RAB40C: variants seen among roughly 807,000 people sequenced by gnomAD.
RAB40C encodes the protein ras-related protein Rab-40C.
In RAB40C, 8 loss-of-function variants were observed where a neutral mutation model predicts 28.1. That is an observed-to-expected ratio of 0.28 (90% CI 0.17 to 0.51). The LOEUF (loss-of-function observed/expected upper bound fraction) is 0.51. Ranked by LOEUF, RAB40C falls within the 20% of genes least tolerant of loss-of-function variation. The pLI is 0.97. For missense variants in RAB40C, 288 were observed against 405.9 expected (o/e 0.71, Z 2.50); for synonymous variants, 201 against 171.7 (o/e 1.17, Z -1.34).
intron 3 of RAB40C, chr16:624,309 G>T (rs1324189458): frequency 2.0e-6 from 2 of 985,304 alleles, no homozygotes; most frequent in African/African-American, 3.5e-5. Flanking sequence ...CCCAGTCCCT[G>T]TGCCCCAACC....
intron 1 of RAB40C, among the ~76,000 whole-genome samples, chr16:598,332 C>G (rs1392458389): frequency 6.6e-6 from 1 of 150,618 alleles, no homozygotes; most frequent in Non-Finnish European, 1.5e-5. Flanking sequence ...GAGCCGAGAT[C>G]ACGCCACTGA....
At chr16:621,058 G>T (rs1050851510) in intron 3 of RAB40C, among the ~76,000 whole-genome samples, 3 of 152,254 alleles carry the variant, frequency 2.0e-5, no homozygotes, top group Non-Finnish European at 4.4e-5. Flanking sequence ...TCTTTGTTTT[G>T]TCTTGTTAAC....
chr16:605,502 G>A (rs1490900535), intron 1 of RAB40C, among the ~76,000 whole-genome samples: 4 of 152,244 alleles, frequency 2.6e-5, no homozygotes, highest in Admixed American at 2.6e-4. Flanking sequence ...GGCCTGGCAT[G>A]TCACTGTGGA....
intron 1 of RAB40C, among the ~76,000 whole-genome samples, chr16:605,022 C>T (rs1302699988): frequency 6.6e-6 from 1 of 152,056 alleles, no homozygotes; most frequent in African/African-American, 2.4e-5. Context: ...CATGCCACTG[C>T]ACTCCAGCCT....
chr16:616,886 C>T (rs913099223), intron 1 of RAB40C: 4 of 382,026 alleles, frequency 1.0e-5, no homozygotes, highest in East Asian at 4.8e-5. Context: ...GGGCCACAGG[C>T]GGAGGCCCCA....
intron 3 of RAB40C, among the ~76,000 whole-genome samples, chr16:620,830 C>A (rs2036700351): frequency 7.5e-6 from 1 of 133,318 alleles, no homozygotes; most frequent in African/African-American, 2.8e-5. Context: ...ATCCCAGCCA[C>A]CCCCCCCGAC....
At chr16:590,018 G>A (rs1265962260), upstream of RAB40C, 2 of 149,666 alleles carry the variant, frequency 1.3e-5, no homozygotes, top group Non-Finnish European at 3.0e-5. Flanking sequence ...ATGGGCTCGG[G>A]AGGGCGGGCG....
At chr16:611,656 CAA>C (rs1367652130) in intron 1 of RAB40C, among the ~76,000 whole-genome samples, 1 of 141,462 alleles carries the variant, frequency 7.1e-6, no homozygotes, top group Non-Finnish European at 1.5e-5. Flanking sequence ...CCTGTAGAAT[CAA>C]GAGCAGAGAC....
At chr16:609,600 A>T (rs1198300717) in intron 1 of RAB40C, among the ~76,000 whole-genome samples, 3 of 152,290 alleles carry the variant, frequency 2.0e-5, no homozygotes, top group East Asian at 3.9e-4. Context: ...TCAGGGAAGG[A>T]CATCTTACCA....
chr16:627,558 A>G lies in RAB40C; in HGVS notation c.782A>G (p.Lys261Arg). ...AAGGGCAACAGCCTCAAGAGGTCCA[A>G]GTCCATCCGTCCACCCCAGAGCCCC... ...GSKGNSLKRS[K>R]SIRPPQSPPQ... Residue 261 changes from lysine to arginine, a missense_variant, in exon 6 of 6, where the codon AAG becomes AGG. By Grantham distance (26) the Lys-to-Arg change is conservative (BLOSUM62 2). Coordinates refer to ENST00000248139, the MANE Select transcript of RAB40C (RefSeq NM_021168.5). 1.2e-6 allele frequency: 2 copies of G among 1,613,050 alleles called. No individual in the cohort carries two copies. The highest frequency in any genetic ancestry group is 1.1e-5 in the South Asian group (1 of 91,034).
Position 598,203 on chromosome 16 carries a change from C to T in RAB40C, c.142+7770C>T, listed in dbSNP as rs145028658. On this transcript the variant is annotated intron_variant, in intron 1 of 5. Coordinates refer to ENST00000248139, the MANE Select transcript of RAB40C (RefSeq NM_021168.5). ...GACCATCCTGGCTAACATGGTGAAACCCTGTCTCTATAAAAATACAAAAAA... is the reference window on the plus strand; with the variant it reads ...GACCATCCTGGCTAACATGGTGAAATCCTGTCTCTATAAAAATACAAAAAA... Among the ~76,000 whole-genome samples the T allele has an allele frequency of 1.0e-2, 1,520 of 152,026 alleles. 62 individuals are homozygous for T. In the East Asian group the frequency reaches 0.15, roughly 15 times the overall value.
chr16:621,519 C>A (rs565630610), intron 3 of RAB40C, among the ~76,000 whole-genome samples: 1 of 152,390 alleles, frequency 6.6e-6, no homozygotes, highest in Admixed American at 6.5e-5. Flanking sequence ...CACACAGCAG[C>A]AGTCCCGCGG....
At chr16:626,942 C>A (rs1490692602) in intron 5 of RAB40C, among the ~76,000 whole-genome samples, 1 of 152,174 alleles carries the variant, frequency 6.6e-6, no homozygotes, top group Non-Finnish European at 1.5e-5. Flanking sequence ...TCTCAAAAAA[C>A]AAAACAAAAG....
intron 1 of RAB40C, among the ~76,000 whole-genome samples, chr16:592,815 C>T (rs985702879): frequency 6.6e-6 from 1 of 152,260 alleles, no homozygotes; most frequent in Admixed American, 6.5e-5. Context: ...CCAACTGCAC[C>T]ACACAGCCAG....
intron 1 of RAB40C, among the ~76,000 whole-genome samples, chr16:606,097 C>T (rs986162033): frequency 2.0e-5 from 3 of 152,234 alleles, no homozygotes; most frequent in Admixed American, 2.0e-4. Context: ...TCTGTTATTG[C>T]TGACACATAG....
At chr16:592,658 T>C (rs2036027540) in intron 1 of RAB40C, among the ~76,000 whole-genome samples, 2 of 152,248 alleles carry the variant, frequency 1.3e-5, no homozygotes, top group Admixed American at 6.5e-5. Context: ...CCAGGGGCGC[T>C]GCGCACTCCC....
chr16:595,892 T>C (rs983056942), intron 1 of RAB40C, among the ~76,000 whole-genome samples: 1 of 152,246 alleles, frequency 6.6e-6, no homozygotes, highest in Non-Finnish European at 1.5e-5. Flanking sequence ...TGAGCCACTG[T>C]GCCTGGCCTC....
In RAB40C at chr16:626,057, C is replaced by A. The variant is rs1262081897; in HGVS notation, c.501C>A (p.Phe167Leu). The change falls in exon 5 of 6, where the codon TTC (phenylalanine) becomes TTA (leucine). Residue 167 changes from phenylalanine to leucine, a missense_variant. By Grantham distance (22) the Phe-to-Leu change is conservative. Transcript: ENST00000248139. Reference sequence around the variant, plus strand: ...GCAACTTCAACGTCATCGAGTCCTTCACGGAGCTATCCCGCATCGTGCTCA... The same window carrying A: ...GCAACTTCAACGTCATCGAGTCCTTAACGGAGCTATCCCGCATCGTGCTCA... ...PLCNFNVIES[F>L]TELSRIVLMR... 6 of 1,613,430 alleles carry A rather than the reference C, an allele frequency of 3.7e-6. No individual in the cohort carries two copies. The highest frequency in any genetic ancestry group is 3.4e-6 in the Non-Finnish European group (4 of 1,179,988).
rs1202263570 is a variant in RAB40C at position 627,651 on chromosome 16, T to C, written c.*29T>C. On this transcript the variant is annotated 3_prime_UTR_variant, in exon 6 of 6. Coordinates refer to ENST00000248139, the MANE Select transcript of RAB40C (RefSeq NM_021168.5). ...GGATGGGCGGGGCCGCCTGTGCAGA[T>C]GCCAGGAGGGCTCGAGCTGGACACT... 4 of 1,544,040 alleles carry C rather than the reference T, an allele frequency of 2.6e-6. No individual in the cohort carries two copies. The Admixed American group carries it at 7.6e-5, about 29-fold the overall frequency.
Sources: gnomAD v4.1 joint callset for allele counts (sites outside exome capture counted in the v4.1 genomes callset) on GRCh38, gnomAD v4.1.1 for gene constraint, MANE v1.5 for transcripts, NCBI Gene and HGNC (gene_info 2026-07-23, HGNC 2026-07-21) for gene names.